The following FER variants were observed in gnomAD, a reference collection of about 807,000 sequenced individuals.
FER encodes FER tyrosine kinase, also known as tyrosine-protein kinase Fer.
A neutral mutation model predicts 111.0 loss-of-function variants in FER; 63 were observed. The observed-to-expected ratio is 0.57, with a 90% CI of 0.46 to 0.70. The LOEUF (loss-of-function observed/expected upper bound fraction) is 0.70. FER is among the 30% of genes least tolerant of loss of function. The pLI is 0.00. For synonymous variants in FER, 327 were observed against 313.9 expected, an observed-to-expected ratio of 1.04 and a Z score of -0.44; for missense variants, 914 against 954.0, an observed-to-expected ratio of 0.96 and a Z score of 0.55.
intron 10 of FER, among the ~76,000 whole-genome samples, chr5:108,925,383 A>T (rs1365588826): frequency 6.6e-6 from 1 of 152,002 alleles, no homozygotes; most frequent in African/African-American, 2.4e-5. Context: ...CTAATTTTGT[A>T]ATCAATGTTT....
intron 8 of FER, among the ~76,000 whole-genome samples, chr5:108,883,050 C>T (rs897544673): frequency 6.6e-6 from 1 of 151,834 alleles, no homozygotes. Context: ...TACTACTTAC[C>T]ATTTACTCAA....
At chr5:108,952,069 C>G (rs929755633) in intron 11 of FER, among the ~76,000 whole-genome samples, 2 of 152,044 alleles carry the variant, frequency 1.3e-5, no homozygotes, top group African/African-American at 2.4e-5. Context: ...ACTAATAAGA[C>G]AGCTAACCCA....
At chr5:108,790,359 G>C (rs940580614) in intron 2 of FER, among the ~76,000 whole-genome samples, 2 of 151,900 alleles carry the variant, frequency 1.3e-5, no homozygotes, top group African/African-American at 4.8e-5. Flanking sequence ...GATTATTGAA[G>C]TTAGAGAGCT....
intron 16 of FER, among the ~76,000 whole-genome samples, chr5:109,086,619 T>C (rs1056116335): frequency 6.6e-6 from 1 of 151,754 alleles, no homozygotes; most frequent in African/African-American, 2.4e-5. Flanking sequence ...TAGATTAATT[T>C]TCATTCCTAT....
At position 108,894,423 on chromosome 5, in the gene FER, A is replaced by G. The variant is rs1350107068; in HGVS notation, c.1047-3236A>G. ...GTGGACCTCGTCTGCTGGCAACTGC[A>G]TGTATCGGACCACTGAGCCCTGAAT... is the stretch of plus-strand genomic sequence containing the variant. On this transcript the variant is annotated intron_variant, in intron 9 of 19. Transcript: ENST00000281092. The G allele has an allele frequency of 9.8e-6, 6 of 609,586 alleles. No individual in the cohort carries two copies. The Admixed American group carries it at 1.4e-4, about 14-fold the overall frequency. 37.8% of individuals were successfully genotyped at this position (609,586 alleles called of 1,614,324 possible).
intron 3 of FER, chr5:108,820,662 C>T (rs1352547980): frequency 2.7e-6 from 1 of 371,228 alleles, no homozygotes; most frequent in Non-Finnish European, 3.7e-6. Flanking sequence ...TGAGCTAATG[C>T]AGCTCAGCAT....
chr5:109,057,061 G>A (rs1251679693), intron 16 of FER, among the ~76,000 whole-genome samples: 2 of 152,096 alleles, frequency 1.3e-5, no homozygotes, highest in Non-Finnish European at 2.9e-5. Flanking sequence ...CTGATCCATG[G>A]ACATAGTATA....
chr5:108,812,760 C>T (rs1307569813), intron 3 of FER, among the ~76,000 whole-genome samples: 1 of 151,970 alleles, frequency 6.6e-6, no homozygotes. Flanking sequence ...GCATTAAGGT[C>T]TATAGTATAC....
At chr5:108,794,525 C>CG (rs746957757) in intron 2 of FER, among the ~76,000 whole-genome samples, 11 of 24,364 alleles carry the variant, frequency 4.5e-4, no homozygotes, top group South Asian at 1.5e-3. Context: ...GCCCCCTCCG[C>CG]ACCCCCCCCC....
chr5:108,810,768 G>A (rs1392547229), intron 3 of FER, among the ~76,000 whole-genome samples: 1 of 152,182 alleles, frequency 6.6e-6, no homozygotes. Context: ...CATAGGAAGG[G>A]TTGGATACTT....
chr5:108,790,182 A>G (rs894729482), intron 2 of FER, among the ~76,000 whole-genome samples: 5 of 151,904 alleles, frequency 3.3e-5, no homozygotes, highest in African/African-American at 1.2e-4. Context: ...AGCCTGGACA[A>G]CATAGGGAGA....
intron 2 of FER, among the ~76,000 whole-genome samples, chr5:108,769,744 A>C (rs930897451): frequency 3.9e-5 from 6 of 152,214 alleles, no homozygotes; most frequent in Non-Finnish European, 8.8e-5. Flanking sequence ...GTTTTTGAGC[A>C]GCTGATTAGA....
chr5:109,141,663 A>G lies in FER; in HGVS notation c.2049-39084A>G, dbSNP rs115897411. ...ACTTCCACAATCATAGAGGCAGAGA[A>G]CTTGCCAAGCTGTGCGCAGGCTCTG... On this transcript the variant is annotated intron_variant, in intron 17 of 19. Coordinates refer to ENST00000281092, the MANE Select transcript of FER (RefSeq NM_005246.4). Among the ~76,000 whole-genome samples, 465 of 152,274 alleles carry G rather than the reference A, an allele frequency of 3.1e-3. 1 individual carries two copies. Among genetic ancestry groups the G allele is most frequent in the African/African-American group, 0.011 (439 of 41,552 alleles).
chr5:108,799,030 T>C (rs1000833426), intron 3 of FER, among the ~76,000 whole-genome samples: 3 of 152,182 alleles, frequency 2.0e-5, no homozygotes, highest in African/African-American at 7.2e-5. Flanking sequence ...TATAAACCAC[T>C]CCCTGAATTC....
intron 1 of FER, among the ~76,000 whole-genome samples, chr5:108,761,300 T>G (rs1751721044): frequency 6.6e-6 from 1 of 152,208 alleles, no homozygotes; most frequent in African/African-American, 2.4e-5. Flanking sequence ...GATGTGCAAC[T>G]ATTCCTTTTA....
intron 10 of FER, among the ~76,000 whole-genome samples, chr5:108,911,043 C>G (rs1484072376): frequency 4.6e-5 from 7 of 152,066 alleles, no homozygotes; most frequent in African/African-American, 1.7e-4. Flanking sequence ...GAAAAATTCT[C>G]CATGTTGTTT....
At chr5:109,165,250 CT>C (rs1582342819) in intron 17 of FER, among the ~76,000 whole-genome samples, 1 of 152,254 alleles carries the variant, frequency 6.6e-6, no homozygotes, top group East Asian at 1.9e-4. Context: ...AGGTATACCC[CT>C]ACAAGAGGTG....
intron 16 of FER, among the ~76,000 whole-genome samples, chr5:109,082,498 T>A (rs1247456161): frequency 6.6e-6 from 1 of 152,044 alleles, no homozygotes; most frequent in African/African-American, 2.4e-5. Context: ...GTTGGGAAAG[T>A]CAATTAATAC....
At chr5:109,000,296 ATTAAT>A (rs1194385994) in intron 13 of FER, among the ~76,000 whole-genome samples, 3 of 152,032 alleles carry the variant, frequency 2.0e-5, no homozygotes, top group Non-Finnish European at 4.4e-5. Context: ...TTAAGCAGAC[ATTAAT>A]TTATTTAATA....
Sources: allele counts gnomAD v4.1 joint callset (sites outside exome capture counted in the v4.1 genomes callset), GRCh38; gene constraint gnomAD v4.1.1; transcripts MANE v1.5; gene names NCBI Gene and HGNC (gene_info 2026-07-23, HGNC 2026-07-21).